MIDEAS: variants seen among roughly 807,000 people sequenced by gnomAD.
MIDEAS encodes the protein mitotic deacetylase-associated SANT domain protein.
A neutral mutation model predicts 102.7 loss-of-function variants in MIDEAS; 26 were observed. That is an observed-to-expected ratio of 0.25 (90% confidence interval 0.19 to 0.35). The LOEUF is 0.35. Ranked by LOEUF, MIDEAS falls within the 10% of genes least tolerant of loss-of-function variation. The probability of loss-of-function intolerance (pLI) is 1.00; values close to 1 mark genes in which losing one functional copy is unlikely to be tolerated. For synonymous variants in MIDEAS, 585 were observed against 591.0 expected (o/e 0.99, Z 0.15); for missense variants, 1,231 against 1,435.6 (o/e 0.86, Z 2.30).
intron 1 of MIDEAS, among the ~76,000 whole-genome samples, chr14:73,775,773 T>C (rs1374972953): frequency 6.6e-6 from 1 of 152,086 alleles, no homozygotes; most frequent in Admixed American, 6.5e-5. Flanking sequence ...CAAAGAGTTA[T>C]ACCCAGAAGA....
Position 73,742,388 on chromosome 14 carries a change from G to GTGCGCCCCCTCCATGGGTATGGC in MIDEAS, c.-247-2134_-247-2133insGCCATACCCATGGAGGGGGCGCA. Among the ~76,000 whole-genome samples the GTGCGCCCCCTCCATGGGTATGGC allele has an allele frequency of 6.6e-6, 1 of 152,284 alleles. No individual in the cohort carries two copies. Among genetic ancestry groups the GTGCGCCCCCTCCATGGGTATGGC allele is most frequent in the African/African-American group, 2.4e-5 (1 of 41,514 alleles). ...GTGCCAGTGTGAACCTGATGGAGGG[G>GTGCGCCCCCTCCATGGGTATGGC]TGCGCCCCCTCCATGGGGATGGCTG... On this transcript the variant is annotated intron_variant, in intron 1 of 12. Transcript: ENST00000423556. The surrounding 1 kb of genome is among the most constrained non-coding windows in gnomAD (Gnocchi z 4.4).
chr14:73,739,598 G>A lies in MIDEAS; in HGVS notation c.411C>T (p.His137=), dbSNP rs1386627384. Residue 137 remains histidine, a synonymous_variant, in exon 2 of 13, where the codon CAC becomes CAT. Transcript: ENST00000423556. ...QPPPHSTWNC[H]SLSLYSATKG... is the part of the protein sequence containing the mutation. Reference sequence around the variant, plus strand: ...TGGTTGCACTGTAGAGGGACAGACTGTGGCAGTTCCATGTTGAATGGGGTG... The same window carrying A: ...TGGTTGCACTGTAGAGGGACAGACTATGGCAGTTCCATGTTGAATGGGGTG... The A allele has an allele frequency of 3.1e-6, 5 of 1,614,144 alleles. No homozygotes were observed. In the South Asian group the frequency reaches 5.5e-5, roughly 18 times the overall value.
At chr14:73,734,177 G>A (rs1423939753) in intron 3 of MIDEAS, among the ~76,000 whole-genome samples, 2 of 151,872 alleles carry the variant, frequency 1.3e-5, no homozygotes, top group Non-Finnish European at 2.9e-5. Context: ...TAGAGACGGG[G>A]TTTCACCATG....
intron 1 of MIDEAS, among the ~76,000 whole-genome samples, chr14:73,784,837 T>G (rs967999207): frequency 7.2e-5 from 11 of 152,230 alleles, no homozygotes; most frequent in Non-Finnish European, 1.6e-4. Context: ...AGAACTGTCC[T>G]GATTTTACAT....
rs769800450 is a variant in MIDEAS, at chr14:73,737,048, C to T, written c.1699G>A (p.Val567Ile). ...ATTCGGGTGGACCGCCTGCGGGTGA[C>T]GATGACTGATGGCTTGTGCTCAGCA... ...NPAEHKPSVI[V>I]TRRRSTRIPG... Residue 567 changes from valine (V) to isoleucine (I), a missense_variant, in exon 3 of 13, where the codon GTC becomes ATC. By Grantham distance (29) the Val-to-Ile change is conservative. Around this residue, in one of 5 missense-constraint regions of MIDEAS, gnomAD observed 758 missense variants for 856.0 expected, o/e 0.89. Transcript: ENST00000423556. 8 of 1,614,044 alleles carry T rather than the reference C, an allele frequency of 5.0e-6. No homozygotes were observed. Among genetic ancestry groups the T allele is most frequent in the East Asian group, 4.5e-5 (2 of 44,868 alleles).
chr14:73,771,798 T>C (rs1440175942), intron 1 of MIDEAS, among the ~76,000 whole-genome samples: 1 of 152,180 alleles, frequency 6.6e-6, no homozygotes, highest in African/African-American at 2.4e-5. Flanking sequence ...TCAATTAATA[T>C]GTGCAACAAT....
At chr14:73,768,120 G>A (rs926156493) in intron 1 of MIDEAS, among the ~76,000 whole-genome samples, 7 of 152,106 alleles carry the variant, frequency 4.6e-5, no homozygotes, top group South Asian at 2.1e-4. Context: ...AGATCACACC[G>A]CCGCACTCAG....
chr14:73,751,742 A>AAT (rs1391742475), intron 1 of MIDEAS, among the ~76,000 whole-genome samples: 1 of 152,112 alleles, frequency 6.6e-6, no homozygotes, highest in Non-Finnish European at 1.5e-5. Context: ...CTCTACTAAA[A>AAT]ATACAAAATT....
At chr14:73,784,235 G>A (rs1195232750) in intron 1 of MIDEAS, among the ~76,000 whole-genome samples, 2 of 152,264 alleles carry the variant, frequency 1.3e-5, no homozygotes, top group Non-Finnish European at 2.9e-5. Context: ...GAACTAGGCA[G>A]CAACTTCAAG....
In MIDEAS at chr14:73,725,386, A is replaced by G. The variant is rs1202785497; in HGVS notation, c.2486-26T>C. 1 of 1,603,220 alleles carries G rather than the reference A, an allele frequency of 6.2e-7. No homozygotes were observed. Among genetic ancestry groups the G allele is most frequent in the Non-Finnish European group, 8.5e-7 (1 of 1,170,570 alleles). On this transcript the variant is annotated intron_variant, in intron 8 of 12. Transcript: ENST00000423556. The surrounding 1 kb of genome is among the most constrained non-coding windows in gnomAD (Gnocchi z 4.1). ...CTATGGGGCAAAGAGGCAGCCAGGGAGTGAGGTGGGCAGGGCCCTGGCCAC... is the reference window on the plus strand; with the variant it reads ...CTATGGGGCAAAGAGGCAGCCAGGGGGTGAGGTGGGCAGGGCCCTGGCCAC...
At chr14:73,780,029 C>T (rs571671973) in intron 1 of MIDEAS, among the ~76,000 whole-genome samples, 34 of 150,242 alleles carry the variant, frequency 2.3e-4, no homozygotes, top group Admixed American at 1.7e-3. Context: ...CCTGCCACCA[C>T]GCCCAGCTAA....
rs1357210350 is a variant in MIDEAS at position 73,725,985 on chromosome 14, G to A, written c.2485+48C>T. On this transcript the variant is annotated intron_variant, in intron 8 of 12. Transcript: ENST00000423556. The surrounding 1 kb of genome is among the most constrained non-coding windows in gnomAD (Gnocchi z 4.1). ...ACTGAGCAGGGCCCCATGGATGCTG[G>A]AGACCTCTTGAGGCTCCAGGCACCA... 1.3e-6 allele frequency: 2 copies of A among 1,490,456 alleles called. No homozygotes were observed. The highest frequency in any genetic ancestry group is 9.2e-7 in the Non-Finnish European group (1 of 1,088,748). The allele number at this position is 1,490,456 out of a possible 1,614,324, so 92.3% of individuals were successfully genotyped here.
chr14:73,749,414 T>C (rs1243111774), intron 1 of MIDEAS, among the ~76,000 whole-genome samples: 2 of 149,342 alleles, frequency 1.3e-5, no homozygotes, highest in East Asian at 3.9e-4. Context: ...GTGGCCACTA[T>C]AGTCCCAGCT....
At position 73,742,190 on chromosome 14, in the gene MIDEAS, T is replaced by C. The variant is rs2053289940; in HGVS notation, c.-247-1935A>G. On this transcript the variant is annotated intron_variant, in intron 1 of 12. Transcript: ENST00000423556. This position sits in a 1 kb window ranked among gnomAD's most constrained non-coding sequence, Gnocchi z 4.4. ...AGAAGCAAGACAGAGAAAGGAAGAA[T>C]GTGCGCCAGCCTGGCAAGCCCACGT... Among the ~76,000 whole-genome samples the C allele has an allele frequency of 6.6e-6, 1 of 152,218 alleles. No homozygotes were observed. Among genetic ancestry groups the C allele is most frequent in the Non-Finnish European group, 1.5e-5 (1 of 68,020 alleles).
At chr14:73,738,403 T>C (rs1197393300) in intron 2 of MIDEAS, among the ~76,000 whole-genome samples, 157 bp downstream of exon 2, 1 of 152,212 alleles carries the variant, frequency 6.6e-6, no homozygotes, top group Non-Finnish European at 1.5e-5. Flanking sequence ...GCAAGAACCC[T>C]GTGGCAAGGT....
At chr14:73,774,035 AAAAG>A (rs2053667330) in intron 1 of MIDEAS, among the ~76,000 whole-genome samples, 1 of 151,452 alleles carries the variant, frequency 6.6e-6, no homozygotes. Flanking sequence ...AAAAAAAAAA[AAAAG>A]AAAAAAGAAA....
In MIDEAS at chr14:73,722,777, C is replaced by A. The variant is rs768098989; in HGVS notation, c.2645G>T (p.Arg882Leu). ...ATCCCCAAAGGTTAGAGTCCCATTGCGGCCGATTTTCACCTGCTTCTTGTA... is the reference window on the plus strand; with the variant it reads ...ATCCCCAAAGGTTAGAGTCCCATTGAGGCCGATTTTCACCTGCTTCTTGTA... ...YTYKKQVKIG[R>L]NGTLTFGDVD... is the part of the protein sequence containing the mutation. Residue 882 changes from arginine (R) to leucine (L), a missense_variant, in exon 10 of 13, where the codon CGC becomes CTC. Physicochemically the swap from Arg to Leu is moderately radical, Grantham distance 102. This residue lies in a region of MIDEAS where 391 missense variants were observed against 483.0 expected (regional missense o/e 0.81). Coordinates refer to ENST00000423556, the MANE Select transcript of MIDEAS (RefSeq NM_001367710.1). 35 of 1,614,040 alleles carry A rather than the reference C, an allele frequency of 2.2e-5. 2 individuals are homozygous for A. In the South Asian group the frequency reaches 3.6e-4, roughly 17 times the overall value.
chr14:73,729,483 C>T (rs1407883540), intron 4 of MIDEAS, among the ~76,000 whole-genome samples, 157 bp downstream of exon 4: 3 of 152,138 alleles, frequency 2.0e-5, no homozygotes, highest in East Asian at 3.9e-4. Flanking sequence ...CCTTGTTGAA[C>T]CAGGACAACC....
At chr14:73,768,925 C>T (rs2053616677) in intron 1 of MIDEAS, among the ~76,000 whole-genome samples, 1 of 152,318 alleles carries the variant, frequency 6.6e-6, no homozygotes, top group Non-Finnish European at 1.5e-5. Flanking sequence ...GTGGGATAGA[C>T]TTTCCAATTT....
Sources: gnomAD v4.1 joint callset for allele counts (sites outside exome capture counted in the v4.1 genomes callset) on GRCh38, gnomAD v4.1.1 for gene constraint, gnomAD v4.1.1 regional missense constraint, Gnocchi (gnomAD v3.1) non-coding constraint, MANE v1.5 for transcripts, NCBI Gene and HGNC (gene_info 2026-07-23, HGNC 2026-07-21) for gene names.